The following CFAP299 variants were observed in gnomAD, a reference collection of about 807,000 sequenced individuals.
CFAP299 encodes the protein cilia- and flagella-associated protein 299.
CFAP299 carries 21 observed loss-of-function variants against 27.0 expected under a neutral mutation model. The observed-to-expected ratio is 0.78, with a 90% CI of 0.55 to 1.12. The LOEUF (loss-of-function observed/expected upper bound fraction) is 1.12. CFAP299 is among the 50% of genes most tolerant of loss of function. The pLI is 0.00. For missense variants in CFAP299, 310 were observed against 276.6 expected (o/e 1.12, Z -0.86); for synonymous variants, 104 against 98.1 (o/e 1.06, Z -0.36).
chr4:80,957,431 C>A (rs1287406548), intron 5 of CFAP299, among the ~76,000 whole-genome samples: 1 of 152,120 alleles, frequency 6.6e-6, no homozygotes, highest in Non-Finnish European at 1.5e-5. Context: ...AAGATAGAAT[C>A]ATCATTCTCA....
intron 2 of CFAP299, among the ~76,000 whole-genome samples, chr4:80,542,618 C>A (rs1259174038): frequency 6.6e-6 from 1 of 152,088 alleles, no homozygotes; most frequent in Non-Finnish European, 1.5e-5. Context: ...GGGACCAGGG[C>A]AAGTCTGATC....
At chr4:80,629,018 T>C (rs1739066936) in intron 3 of CFAP299, among the ~76,000 whole-genome samples, 1 of 152,172 alleles carries the variant, frequency 6.6e-6, no homozygotes, top group African/African-American at 2.4e-5. Context: ...TCCTTTACTT[T>C]TGTGTTTATT....
At chr4:80,355,360 T>TA (rs1723219964) in intron 1 of CFAP299, among the ~76,000 whole-genome samples, 1 of 143,880 alleles carries the variant, frequency 7.0e-6, no homozygotes, top group Non-Finnish European at 1.5e-5. Context: ...TTTGCTTTTT[T>TA]TTTTTTTTTT....
chr4:80,917,431 C>T (rs924015447), intron 4 of CFAP299, among the ~76,000 whole-genome samples: 2 of 151,990 alleles, frequency 1.3e-5, no homozygotes, highest in African/African-American at 4.8e-5. Flanking sequence ...TTTTGAATGC[C>T]TTTTGGTTTC....
intron 2 of CFAP299, among the ~76,000 whole-genome samples, chr4:80,402,010 G>T (rs1173172546): frequency 6.6e-6 from 1 of 152,112 alleles, no homozygotes; most frequent in African/African-American, 2.4e-5. Context: ...CACGGGCCCT[G>T]TAACCCCTTT....
chr4:80,488,220 C>G (rs905311036), intron 2 of CFAP299, among the ~76,000 whole-genome samples: 3 of 152,176 alleles, frequency 2.0e-5, no homozygotes, highest in African/African-American at 4.8e-5. Flanking sequence ...TACAGCCCCC[C>G]ACTGCCGCAG....
chr4:80,699,606 T>C (rs1455926539), intron 3 of CFAP299, among the ~76,000 whole-genome samples: 1 of 152,142 alleles, frequency 6.6e-6, no homozygotes, highest in Non-Finnish European at 1.5e-5. Context: ...GTTGAAGAGA[T>C]GGTCAATGTG....
intron 2 of CFAP299, among the ~76,000 whole-genome samples, chr4:80,364,890 G>A (rs1723742881): frequency 6.6e-6 from 1 of 152,148 alleles, no homozygotes; most frequent in African/African-American, 2.4e-5. Context: ...AGTTTGCTGA[G>A]GAAAACGGCT....
intron 5 of CFAP299, among the ~76,000 whole-genome samples, chr4:80,960,710 A>G (rs1211078843): frequency 6.6e-6 from 1 of 151,872 alleles, no homozygotes; most frequent in East Asian, 1.9e-4. Context: ...ATTCATATTA[A>G]AAGGACTTTT....
intron 2 of CFAP299, among the ~76,000 whole-genome samples, chr4:80,517,066 G>A (rs769021756): frequency 1.3e-5 from 2 of 152,160 alleles, no homozygotes; most frequent in African/African-American, 4.8e-5. Flanking sequence ...GGACAGATGA[G>A]CTTCCATTGG....
chr4:80,879,651 AT>A (rs1382231236), intron 4 of CFAP299, among the ~76,000 whole-genome samples: 11 of 152,144 alleles, frequency 7.2e-5, no homozygotes, highest in African/African-American at 2.2e-4. Flanking sequence ...TTTTTTACAT[AT>A]TATTTTTAAA....
At chr4:80,386,515 G>GGGC in intron 2 of CFAP299, 2 of 1,430,704 alleles carry the variant, frequency 1.4e-6, no homozygotes, top group Middle Eastern at 1.8e-4. Flanking sequence ...GCGGTGGTGG[G>GGGC]GGGGGGGGGT....
intron 5 of CFAP299, among the ~76,000 whole-genome samples, chr4:80,945,266 T>A (rs954768042): frequency 6.6e-6 from 1 of 152,190 alleles, no homozygotes; most frequent in Non-Finnish European, 1.5e-5. Flanking sequence ...CAGCCACTTG[T>A]TGCTGTTAGT....
intron 5 of CFAP299, among the ~76,000 whole-genome samples, chr4:80,963,117 T>A (rs1297464642): frequency 6.6e-6 from 1 of 152,050 alleles, no homozygotes; most frequent in Admixed American, 6.6e-5. Flanking sequence ...TCTAAATCAA[T>A]CCCAGACTTG....
chr4:80,684,553 C>A (rs912994202), intron 3 of CFAP299, among the ~76,000 whole-genome samples: 1 of 152,206 alleles, frequency 6.6e-6, no homozygotes, highest in African/African-American at 2.4e-5. Flanking sequence ...CAGGCGTGAG[C>A]CACTGCGCCC....
At chr4:80,387,598 G>C (rs1725087043) in intron 2 of CFAP299, 2 of 1,204,030 alleles carry the variant, frequency 1.7e-6, no homozygotes, top group African/African-American at 3.0e-5. Flanking sequence ...TACAGTCACA[G>C]AGTTTCGAGA....
intron 3 of CFAP299, among the ~76,000 whole-genome samples, chr4:80,694,501 A>G (rs561917997): frequency 6.6e-6 from 1 of 152,312 alleles, no homozygotes; most frequent in Admixed American, 6.5e-5. Flanking sequence ...TGACTTAACA[A>G]ATACTCTGAG....
Position 80,845,036 on chromosome 4 carries a change from C to G in CFAP299, c.334-24957C>G, listed in dbSNP as rs192598900. Reference sequence around the variant, plus strand: ...AATCCTTTCCCCATTGCTTGTTTTTCTCAGGTTTGTCAAAGATCAGATAGT... The same window carrying G: ...AATCCTTTCCCCATTGCTTGTTTTTGTCAGGTTTGTCAAAGATCAGATAGT... On this transcript the variant is annotated intron_variant, in intron 3 of 5. Transcript: ENST00000358105. 9.1e-3 allele frequency among the ~76,000 whole-genome samples: 1,387 copies of G among 152,154 alleles called. 17 individuals are homozygous for G. Among genetic ancestry groups the G allele is most frequent in the African/African-American group, 0.031 (1,280 of 41,512 alleles).
chr4:80,669,995 T>C (rs1264223377), intron 3 of CFAP299, among the ~76,000 whole-genome samples: 2 of 152,160 alleles, frequency 1.3e-5, no homozygotes, highest in Admixed American at 6.5e-5. Flanking sequence ...TTTTTTCATT[T>C]TTTAAAAATA....
Sources: allele counts gnomAD v4.1 joint callset (sites outside exome capture counted in the v4.1 genomes callset), GRCh38; gene constraint gnomAD v4.1.1; transcripts MANE v1.5; gene names NCBI Gene and HGNC (gene_info 2026-07-23, HGNC 2026-07-21).